Variants in FSIP1 observed in about 807,000 individuals in gnomAD.
FSIP1 encodes fibrous sheath-interacting protein 1.
Under a neutral mutation model 60.9 loss-of-function variants are expected in FSIP1, and 65 were observed. The observed-to-expected ratio is 1.07, with a 90% CI of 0.87 to 1.31. The LOEUF (loss-of-function observed/expected upper bound fraction) is 1.31, where lower values mean the gene tolerates loss of function less well. Among genes scored for constraint, FSIP1 ranks in the 40% most tolerant of loss-of-function variants. The pLI, the probability that FSIP1 is intolerant of heterozygous loss-of-function variation, is 0.00. For missense variants in FSIP1, 675 were observed against 665.5 expected (o/e 1.01, Z -0.16); for synonymous variants, 209 against 221.2 (o/e 0.94, Z 0.49).
chr15:39,633,172 C>T (rs1347077719), intron 10 of FSIP1, among the ~76,000 whole-genome samples: 1 of 147,846 alleles, frequency 6.8e-6, no homozygotes, highest in African/African-American at 2.5e-5. Flanking sequence ...CTCACTACAA[C>T]CTCCCCCTCC....
At chr15:39,615,711 C>A in intron 11 of FSIP1, among the ~76,000 whole-genome samples, 1 of 138,920 alleles carries the variant, frequency 7.2e-6, no homozygotes, top group Admixed American at 7.2e-5. Flanking sequence ...AGTGAAACTC[C>A]ATCTCTACTA....
chr15:39,707,505 T>C (rs8041613), intron 10 of FSIP1, among the ~76,000 whole-genome samples: 2,626 of 152,190 alleles, frequency 0.017, 73 homozygotes, highest in African/African-American at 0.057. Context: ...AAAGGGTACC[T>C]TGGTTCTTCT....
intron 10 of FSIP1, among the ~76,000 whole-genome samples, chr15:39,680,222 C>A (rs933168703): frequency 6.6e-5 from 10 of 152,016 alleles, no homozygotes; most frequent in African/African-American, 2.2e-4. Flanking sequence ...ATCTCAAAAA[C>A]CAACAAAAGA....
chr15:39,716,996 G>A (rs1324470156), intron 9 of FSIP1, among the ~76,000 whole-genome samples: 2 of 151,768 alleles, frequency 1.3e-5, no homozygotes, highest in African/African-American at 4.8e-5. Context: ...TGTATTTTTA[G>A]TAGAGACAGG....
rs951373 is a variant in FSIP1 at position 39,696,292 on chromosome 15, C to T, written c.1188+17152G>A. On this transcript the variant is annotated intron_variant, in intron 10 of 11. Coordinates refer to ENST00000350221, the MANE Select transcript of FSIP1 (RefSeq NM_152597.5). ...ATAAAGACAGCTTTCCAATACAAAA[C>T]GAAAAGAATACCTTAATAAAATAAA... is the stretch of plus-strand genomic sequence containing the variant. Among the ~76,000 whole-genome samples, 1,425 of 151,724 alleles carry T rather than the reference C, an allele frequency of 9.4e-3. 21 individuals are homozygous for T. The highest frequency in any genetic ancestry group is 0.032 in the African/African-American group (1,343 of 41,354).
intron 8 of FSIP1, among the ~76,000 whole-genome samples, chr15:39,736,208 G>C (rs1352632053): frequency 6.6e-6 from 1 of 152,164 alleles, no homozygotes; most frequent in Admixed American, 6.5e-5. Context: ...ATGAACCAGC[G>C]AAGCTGAAAT....
chr15:39,703,328 A>T (rs1030507285), intron 10 of FSIP1, among the ~76,000 whole-genome samples: 1 of 152,218 alleles, frequency 6.6e-6, no homozygotes, highest in Admixed American at 6.5e-5. Flanking sequence ...GCACATTATT[A>T]TTCAGAAACA....
At chr15:39,673,628 A>C (rs1595598732) in intron 10 of FSIP1, among the ~76,000 whole-genome samples, 1 of 152,100 alleles carries the variant, frequency 6.6e-6, no homozygotes, top group Admixed American at 6.5e-5. Context: ...TAACACATAC[A>C]TTTATCTCTC....
At chr15:39,683,772 T>A (rs1238296265) in intron 10 of FSIP1, among the ~76,000 whole-genome samples, 1 of 152,222 alleles carries the variant, frequency 6.6e-6, no homozygotes, top group African/African-American at 2.4e-5. Context: ...TTTTTCTATA[T>A]ATACACTTCT....
At chr15:39,643,566 G>A (rs1350662075) in intron 10 of FSIP1, among the ~76,000 whole-genome samples, 1 of 152,190 alleles carries the variant, frequency 6.6e-6, no homozygotes, top group African/African-American at 2.4e-5. Flanking sequence ...TTTCTGATCA[G>A]AAATAAGCCT....
chr15:39,617,652 C>T (rs900276499), intron 11 of FSIP1, 83 bp downstream of exon 11: 20 of 1,197,214 alleles, frequency 1.7e-5, no homozygotes, highest in African/African-American at 7.6e-5. Context: ...CCTTCTTACC[C>T]GACTCTAATT....
At chr15:39,759,550 T>A (rs1168104704) in intron 5 of FSIP1, among the ~76,000 whole-genome samples, 1 of 152,200 alleles carries the variant, frequency 6.6e-6, no homozygotes, top group Non-Finnish European at 1.5e-5. Flanking sequence ...ACTAAGTATT[T>A]CTCTTCTAGG....
intron 5 of FSIP1, among the ~76,000 whole-genome samples, chr15:39,748,818 C>T (rs1295620454): frequency 6.6e-6 from 1 of 151,622 alleles, no homozygotes; most frequent in Non-Finnish European, 1.5e-5. Context: ...AAGATCAGAA[C>T]AGAAATAAAT....
At chr15:39,717,269 A>G (rs938020468) in intron 9 of FSIP1, among the ~76,000 whole-genome samples, 2 of 17,496 alleles carry the variant, frequency 1.1e-4, no homozygotes, top group Non-Finnish European at 1.7e-3. Context: ...GTCCATCAAT[A>G]GAGTATGATA....
At chr15:39,693,570 A>G (rs564616852) in intron 10 of FSIP1, among the ~76,000 whole-genome samples, 2 of 152,336 alleles carry the variant, frequency 1.3e-5, no homozygotes, top group Admixed American at 1.3e-4. Context: ...TTAGCAATCT[A>G]TTTAAGGTGG....
chr15:39,748,464 C>T (rs990331261), intron 5 of FSIP1, among the ~76,000 whole-genome samples: 7 of 152,082 alleles, frequency 4.6e-5, no homozygotes, highest in South Asian at 2.1e-4. Context: ...AACAATTCTC[C>T]GTGTGGAGCT....
intron 10 of FSIP1, among the ~76,000 whole-genome samples, chr15:39,691,658 G>A (rs1425548271): frequency 6.6e-6 from 1 of 152,248 alleles, no homozygotes; most frequent in Non-Finnish European, 1.5e-5. Context: ...GATGGCAGAA[G>A]GGGACTGTTT....
chr15:39,642,463 T>C (rs537334559), intron 10 of FSIP1, among the ~76,000 whole-genome samples: 49 of 152,302 alleles, frequency 3.2e-4, no homozygotes, highest in African/African-American at 1.2e-3. Context: ...TAGCAGCCTG[T>C]TTCTACCTGA....
intron 5 of FSIP1, among the ~76,000 whole-genome samples, chr15:39,755,016 AC>A (rs1253260960): frequency 2.0e-5 from 3 of 152,036 alleles, no homozygotes; most frequent in Non-Finnish European, 4.4e-5. Flanking sequence ...AAGAAGTCTG[AC>A]CTTTAAGGAG....
Sources: gnomAD v4.1 joint callset for allele counts (sites outside exome capture counted in the v4.1 genomes callset) on GRCh38, gnomAD v4.1.1 for gene constraint, MANE v1.5 for transcripts, NCBI Gene and HGNC (gene_info 2026-07-23, HGNC 2026-07-21) for gene names.